PIEZO1: variants seen among roughly 807,000 people sequenced by gnomAD.
PIEZO1 encodes the protein piezo-type mechanosensitive ion channel component 1.
PIEZO1 carries 296 observed loss-of-function variants against 297.2 expected under a neutral mutation model. The ratio of observed to expected loss-of-function variants is 1.00; its 90% confidence interval spans 0.91 to 1.10. The LOEUF is 1.10. PIEZO1 is among the 50% of genes least tolerant of loss of function. The pLI, the probability that PIEZO1 is intolerant of heterozygous loss-of-function variation, is 0.00. For synonymous variants in PIEZO1, 2,427 were observed against 1,507.5 expected (o/e 1.61, Z -14.13); for missense variants, 5,018 against 3,455.5 (o/e 1.45, Z -11.34).
chr16:88,722,991 T>C lies in PIEZO1; in HGVS notation c.4514A>G (p.Gln1505Arg), dbSNP rs966428637. 3 of 1,524,700 alleles carry C rather than the reference T, an allele frequency of 2.0e-6. No individual in the cohort carries two copies. In the African/African-American group the frequency reaches 4.2e-5, roughly 21 times the overall value. The allele number at this position is 1,524,700 out of a possible 1,614,324, so 94.4% of individuals were successfully genotyped here. ...GAACTGCGCCGTGCTCAGCACCCTCTGCACCACATGGCTCCGGCCTGCGGG... is the reference window on the plus strand; with the variant it reads ...GAACTGCGCCGTGCTCAGCACCCTCCGCACCACATGGCTCCGGCCTGCGGG... ...EAAAGRSHVV[Q>R]RVLSTAQFLW... Residue 1505 changes from glutamine (Q) to arginine (R), a missense_variant, in exon 34 of 51, where the codon CAG (glutamine) becomes CGG (arginine). By Grantham distance (43) the Gln-to-Arg change is conservative (BLOSUM62 1). Transcript: ENST00000301015.
In PIEZO1 at chr16:88,741,524, C is replaced by A. The variant is rs1905657553; in HGVS notation, c.419G>T (p.Gly140Val). The A allele has an allele frequency of 6.5e-7, 1 of 1,535,648 alleles. No homozygotes were observed. The change falls in exon 5 of 51, where the codon GGG becomes GTG. Residue 140 changes from glycine to valine, a missense_variant. Gly to Val is a moderately radical substitution (Grantham distance 109, BLOSUM62 -3). Transcript: ENST00000301015. ...VVSSVCLGIC[G>V]RLARNTRQSP... ...CTGCCGGGTGTTCCTTGCAAGGCGC[C>A]CGCAGATGCCGAGGCAGACAGAGGA... is the stretch of plus-strand genomic sequence containing the variant.
intron 22 of PIEZO1, among the ~76,000 whole-genome samples, chr16:88,730,248 C>A (rs1347358558): frequency 6.6e-6 from 1 of 152,224 alleles, no homozygotes; most frequent in Non-Finnish European, 1.5e-5. Context: ...GCTGTGAGCA[C>A]AAGGCTGGGC....
In PIEZO1 at chr16:88,742,079, G is replaced by C. The variant is rs943395256; in HGVS notation, c.300C>G (p.Thr100=). Reference sequence around the variant, plus strand: ...TTGTGACCCCTATGTGTCGCGAGAGGGTCTCCCAGCGGCTGCCTGCAGAGA... The same window carrying C: ...TTGTGACCCCTATGTGTCGCGAGAGCGTCTCCCAGCGGCTGCCTGCAGAGA... ...LLGPSCSRWE[T]LSRHIGVTRL... The change falls in exon 4 of 51, where the codon ACC becomes ACG. Residue 100 remains threonine (T), a synonymous_variant. Coordinates refer to ENST00000301015, the MANE Select transcript of PIEZO1 (RefSeq NM_001142864.4). 1 of 1,535,946 alleles carries C rather than the reference G, an allele frequency of 6.5e-7. No homozygotes were observed. The highest frequency in any genetic ancestry group is 8.7e-7 in the Non-Finnish European group (1 of 1,146,790).
rs188069388 is a variant in PIEZO1 at position 88,738,880 on chromosome 16, C to T, written c.466-144G>A. The T allele has an allele frequency of 3.5e-3, 2,461 of 699,624 alleles. 4 individuals are homozygous for T. The highest frequency in any genetic ancestry group is 4.6e-3 in the Non-Finnish European group (1,950 of 423,688). 43.3% of individuals were successfully genotyped at this position (699,624 alleles called of 1,614,324 possible). On this transcript the variant is annotated intron_variant, in intron 5 of 50. Coordinates refer to ENST00000301015, the MANE Select transcript of PIEZO1 (RefSeq NM_001142864.4). ...GGCCACAGGACAGCCTCCCCGGGCA[C>T]AGGCCCCAGCCGTCCCTGAGGTCTG...
intron 1 of PIEZO1, among the ~76,000 whole-genome samples, chr16:88,750,283 C>A (rs1388355113): frequency 6.6e-6 from 1 of 152,156 alleles, no homozygotes; most frequent in Non-Finnish European, 1.5e-5. Flanking sequence ...TTGCAGTGAG[C>A]CGAGATTGAG....
At chr16:88,752,662 G>A (rs988785054) in intron 1 of PIEZO1, among the ~76,000 whole-genome samples, 13 of 152,238 alleles carry the variant, frequency 8.5e-5, no homozygotes, top group Admixed American at 5.2e-4. Context: ...CTCCCTGACC[G>A]CCCTGCCCCT....
chr16:88,753,017 A>ACCAACAACACAGACAAGGAAAAGG (rs2142869777), intron 1 of PIEZO1, among the ~76,000 whole-genome samples: 3 of 151,998 alleles, frequency 2.0e-5, no homozygotes, highest in African/African-American at 7.2e-5. Context: ...GCGGCCACTC[A>ACCAACAACACAGACAAGGAAAAGG]CCAACAACAC....
rs1428660238 is a variant in PIEZO1 at position 88,737,719 on chromosome 16, G to A, written c.1107+9C>T. On this transcript the variant is annotated intron_variant, in intron 9 of 50. Transcript: ENST00000301015. ...CCACGCTGGCGTCTCCACCTGCCTG[G>A]CTGCTCACCTGGTCAGACTCCCGTT... The A allele has an allele frequency of 3.9e-6, 6 of 1,535,174 alleles. No individual in the cohort carries two copies. The highest frequency in any genetic ancestry group is 2.0e-5 in the Admixed American group (1 of 51,004).
At chr16:88,783,693 G>A (rs533283774) in intron 1 of PIEZO1, among the ~76,000 whole-genome samples, 1 of 152,332 alleles carries the variant, frequency 6.6e-6, no homozygotes, top group African/African-American at 2.4e-5. Flanking sequence ...ACACAGGGCT[G>A]ACCGCACTGA....
rs577405036 is a variant in PIEZO1 at position 88,771,705 on chromosome 16, C to G, written c.64+13196G>C. Among the ~76,000 whole-genome samples, 6 of 152,302 alleles carry G rather than the reference C, an allele frequency of 3.9e-5. No individual in the cohort carries two copies. In the South Asian group the frequency reaches 1.0e-3, roughly 26 times the overall value. Reference sequence around the variant, plus strand: ...GTTGCAGAGGTGACACTAGTGGAGCCGACGTCCAGATGCCCGTCCACCCGC... The same window carrying G: ...GTTGCAGAGGTGACACTAGTGGAGCGGACGTCCAGATGCCCGTCCACCCGC... On this transcript the variant is annotated intron_variant, in intron 1 of 50. Coordinates refer to ENST00000301015, the MANE Select transcript of PIEZO1 (RefSeq NM_001142864.4).
At chr16:88,730,255 G>A (rs898331466) in intron 22 of PIEZO1, among the ~76,000 whole-genome samples, 2 of 152,228 alleles carry the variant, frequency 1.3e-5, no homozygotes, top group Non-Finnish European at 2.9e-5. Flanking sequence ...GCACAAGGCT[G>A]GGCCTGGGTA....
rs1185712890 is a variant in PIEZO1, at chr16:88,743,524, G to A, written c.161-1102C>T. 8.8e-6 allele frequency: 4 copies of A among 456,296 alleles called. No homozygotes were observed. In the East Asian group the frequency reaches 2.1e-4, roughly 24 times the overall value. 28.3% of individuals were successfully genotyped at this position (456,296 alleles called of 1,614,324 possible). A position where few individuals can be genotyped will look rare whatever the true frequency, so the allele number is the denominator to read the frequency against. On this transcript the variant is annotated intron_variant, in intron 2 of 50. Transcript: ENST00000301015. Reference sequence around the variant, plus strand: ...TGGGTCTGGGTCCAAGGTGGTGAATGTCACCACCACATCTGCCCTCTCTCG... The same window carrying A: ...TGGGTCTGGGTCCAAGGTGGTGAATATCACCACCACATCTGCCCTCTCTCG...
rs984917079 is a variant in PIEZO1, at chr16:88,721,665, A to G, written c.5276T>C (p.Val1759Ala). The part of the protein sequence containing the change: ...FGFFPWNSHV[V>A]LRRYENKPYF... The stretch of plus-strand genomic sequence containing the variant: ...GGGCTTGTTCTCGTAGCGCCGCAGC[A>G]CCACGTGGCTGTTCCAGGGGAAGAA... Residue 1759 changes from valine to alanine, a missense_variant, in exon 38 of 51, where the codon GTG becomes GCG. Physicochemically the swap from Val to Ala is moderately conservative, Grantham distance 64 (BLOSUM62 0). Transcript: ENST00000301015. 1.3e-6 allele frequency: 2 copies of G among 1,549,902 alleles called. No homozygotes were observed.
Position 88,726,122 on chromosome 16 carries a change from G to A in PIEZO1, c.3968+162C>T, listed in dbSNP as rs2340978. ...ACTGGGGCAGAGTGTGATGGTGCCG[G>A]GGATCTGCCGGCCTTCATTCTCCCT... is the stretch of plus-strand genomic sequence containing the variant. On this transcript the variant is annotated intron_variant, in intron 27 of 50. Transcript: ENST00000301015. 1,867 of 624,222 alleles carry A rather than the reference G, an allele frequency of 3.0e-3. 34 individuals carry two copies. In the African/African-American group the frequency reaches 0.03, roughly 10 times the overall value. 38.7% of individuals were successfully genotyped at this position (624,222 alleles called of 1,614,324 possible).
chr16:88,727,136 G>T lies in PIEZO1; in HGVS notation c.3358C>A (p.Arg1120Ser). The change falls in exon 24 of 51, where the codon CGC becomes AGC. Residue 1120 changes from arginine to serine, a missense_variant. Coordinates refer to ENST00000301015, the MANE Select transcript of PIEZO1 (RefSeq NM_001142864.4). The stretch of plus-strand genomic sequence containing the variant: ...GCCATGCGCTGCCACTCCTCTGTGC[G>T]CTCAGCTGAGAACACCTGCCACTGC... ...SQQWQVFSAE[R>S]TEEWQRMAGV... The T allele has an allele frequency of 6.5e-7, 1 of 1,549,784 alleles. No homozygotes were observed. The highest frequency in any genetic ancestry group is 1.2e-5 in the South Asian group (1 of 84,052).
In PIEZO1 at chr16:88,742,710, G is replaced by A. The variant is rs538075708; in HGVS notation, c.161-288C>T. 7.5e-4 allele frequency: 329 copies of A among 438,890 alleles called. 1 individual carries two copies. In the Middle Eastern group the frequency reaches 9.6e-3, roughly 13 times the overall value. 27.2% of individuals were successfully genotyped at this position (438,890 alleles called of 1,614,324 possible). On this transcript the variant is annotated intron_variant, in intron 2 of 50. Transcript: ENST00000301015. ...TCCCAGGCTCAGAGGAAACCACCTG[G>A]GGTGTGCTCCCTCATCCAGCAAATA...
intron 1 of PIEZO1, among the ~76,000 whole-genome samples, chr16:88,752,879 TCCA>T (rs1906460427): frequency 1.2e-5 from 1 of 83,262 alleles, no homozygotes; most frequent in Admixed American, 1.2e-4. Context: ...CATTCATTCA[TCCA>T]TTCATCCATT....
At chr16:88,720,570 C>CCGG in intron 40 of PIEZO1, 38 bp from the exon 41 acceptor site, 1 of 1,534,154 alleles carries the variant, frequency 6.5e-7, no homozygotes, top group Non-Finnish European at 8.8e-7. Context: ...CCAGTACCCG[C>CCGG]CTCCCCACCC....
intron 1 of PIEZO1, among the ~76,000 whole-genome samples, chr16:88,781,665 C>T (rs1187212980): frequency 6.6e-6 from 1 of 152,284 alleles, no homozygotes; most frequent in Non-Finnish European, 1.5e-5. Flanking sequence ...GGCCAGGGTT[C>T]TGTGCAGGTC....
Sources: allele counts gnomAD v4.1 joint callset (sites outside exome capture counted in the v4.1 genomes callset), GRCh38; gene constraint gnomAD v4.1.1; transcripts MANE v1.5; gene names NCBI Gene and HGNC (gene_info 2026-07-23, HGNC 2026-07-21).